Variants in HIPK1 observed in about 807,000 individuals in gnomAD.
The protein encoded by HIPK1 is homeodomain-interacting protein kinase 1.
Under a neutral mutation model 117.1 loss-of-function variants are expected in HIPK1, and 28 were observed. The ratio of observed to expected loss-of-function variants is 0.24; its 90% CI spans 0.18 to 0.33. HIPK1 has a LOEUF of 0.33. Ranked by LOEUF, HIPK1 falls within the 10% of genes least tolerant of loss-of-function variation. HIPK1 has a pLI of 1.00. For missense variants in HIPK1, 1,122 were observed against 1,475.1 expected (o/e 0.76, Z 3.92); for synonymous variants, 605 against 562.5 (o/e 1.08, Z -1.07).
Position 113,967,853 on chromosome 1 carries a change from G to A in HIPK1, c.2469G>A (p.Gln823=). Residue 823 remains glutamine (Q), a synonymous_variant, in exon 12 of 16, where the codon CAG becomes CAA. Coordinates refer to ENST00000426820, the MANE Select transcript of HIPK1 (RefSeq NM_198268.3). ...ACCATGTGACATTGGCCACTGCTCA[G>A]CCTCTGAATGTTGGTGTTGCCCATG... ...LTNHVTLATA[Q]PLNVGVAHVV... 6.2e-7 allele frequency: 1 copy of A among 1,612,756 alleles called. No individual in the cohort carries two copies. The highest frequency in any genetic ancestry group is 2.2e-5 in the East Asian group (1 of 44,774).
intron 1 of HIPK1, among the ~76,000 whole-genome samples, chr1:113,931,019 C>G (rs1162997451): frequency 6.6e-6 from 1 of 152,146 alleles, no homozygotes; most frequent in East Asian, 1.9e-4. Flanking sequence ...CCAATCTGTC[C>G]TTTATCTTGT....
At position 113,940,955 on chromosome 1, in the gene HIPK1, A is replaced by C; in HGVS notation, c.572A>C (p.Glu191Ala). The C allele has an allele frequency of 1.2e-6, 2 of 1,614,148 alleles. No individual in the cohort carries two copies. The highest frequency in any genetic ancestry group is 1.7e-6 in the Non-Finnish European group (2 of 1,180,018). The change falls in exon 2 of 16, where the codon GAA becomes GCA. Residue 191 changes from glutamate to alanine, a missense_variant. Physicochemically the swap from Glu to Ala is moderately radical, Grantham distance 107. This residue lies in a region of HIPK1 where 192 missense variants were observed against 234.0 expected (regional missense o/e 0.82). Transcript: ENST00000426820. ...CTTTGCTCTATGACCAATAGCTATG[A>C]AGTCTTGGAGTTCCTAGGCCGGGGG... ...EILCSMTNSYEVLEFLGRGTF... is the reference protein window; with the variant it reads ...EILCSMTNSYAVLEFLGRGTF...
At chr1:113,929,768 G>A (rs902846572) in intron 1 of HIPK1, 135 of 902,634 alleles carry the variant, frequency 1.5e-4, no homozygotes, top group Non-Finnish European at 1.8e-4. Context: ...GGAGGCTGAG[G>A]AGGCTCCCCC....
At chr1:113,934,491 G>C (rs552074852) in intron 1 of HIPK1, among the ~76,000 whole-genome samples, 1 of 152,240 alleles carries the variant, frequency 6.6e-6, no homozygotes, top group Non-Finnish European at 1.5e-5. Context: ...ATAAGTACAA[G>C]TACCAATGAT....
In HIPK1 at chr1:113,940,977, G is replaced by A. The variant is rs1558128277; in HGVS notation, c.594G>A (p.Arg198=). 2 of 1,613,996 alleles carry A rather than the reference G, an allele frequency of 1.2e-6. No individual in the cohort carries two copies. Among genetic ancestry groups the A allele is most frequent in the South Asian group, 1.1e-5 (1 of 91,084 alleles). ...NSYEVLEFLG[R]GTFGQVAKCW... The stretch of plus-strand genomic sequence containing the variant: ...ATGAAGTCTTGGAGTTCCTAGGCCG[G>A]GGGACATTTGGACAGGTGGCTAAGT... Residue 198 remains arginine (R), a synonymous_variant, in exon 2 of 16, where the codon CGG becomes CGA. Transcript: ENST00000426820.
intron 2 of HIPK1, among the ~76,000 whole-genome samples, chr1:113,945,278 A>G (rs532527103): frequency 1.3e-5 from 2 of 152,206 alleles, no homozygotes; most frequent in Admixed American, 1.3e-4. Context: ...ATTTTCATCT[A>G]TTCCTTGGGT....
chr1:113,963,978 C>CT (rs1028524562), intron 10 of HIPK1, among the ~76,000 whole-genome samples: 10 of 152,146 alleles, frequency 6.6e-5, no homozygotes, highest in African/African-American at 1.7e-4. Context: ...TAGCTTTCTC[C>CT]TTTTTTTGCT....
Position 113,973,688 on chromosome 1 carries a change from A to T in HIPK1, c.*176A>T. Reference sequence around the variant, plus strand: ...TCTGGGGGAACCTGTCTCAGTGTTGACTGCATTGTTGTAGTCTTCCCAAAG... The same window carrying T: ...TCTGGGGGAACCTGTCTCAGTGTTGTCTGCATTGTTGTAGTCTTCCCAAAG... On this transcript the variant is annotated 3_prime_UTR_variant, in exon 16 of 16. Coordinates refer to ENST00000426820, the MANE Select transcript of HIPK1 (RefSeq NM_198268.3). 1 of 622,168 alleles carries T rather than the reference A, an allele frequency of 1.6e-6. No individual in the cohort carries two copies. Among genetic ancestry groups the T allele is most frequent in the South Asian group, 2.8e-5 (1 of 35,520 alleles). The allele number at this position is 622,168 out of a possible 1,614,324, so 38.5% of individuals were successfully genotyped here. A position where few individuals can be genotyped will look rare whatever the true frequency, so the allele number is the denominator to read the frequency against.
At chr1:113,968,336 A>G in intron 12 of HIPK1, 106 bp from the exon 13 acceptor site, 1 of 814,632 alleles carries the variant, frequency 1.2e-6, no homozygotes, top group South Asian at 1.5e-5. Flanking sequence ...CTTAATGATT[A>G]TGTAAAAAGG....
Position 113,957,187 on chromosome 1 carries a change from G to C in HIPK1, c.1656G>C (p.Val552=). The change falls in exon 7 of 16, where the codon GTG becomes GTC. Residue 552 remains valine, a synonymous_variant. Transcript: ENST00000426820. ...GGAGGGTTCACATGTATGATACAGT[G>C]AGTCAGATCAAGAGTCCCTTCACTA... is the stretch of plus-strand genomic sequence containing the variant. The part of the protein sequence containing the change: ...CKRRVHMYDT[V]SQIKSPFTTH... 4 of 1,613,572 alleles carry C rather than the reference G, an allele frequency of 2.5e-6. No individual in the cohort carries two copies. The highest frequency in any genetic ancestry group is 3.4e-6 in the Non-Finnish European group (4 of 1,179,504).
chr1:113,964,175 AGG>A (rs1250825654), intron 10 of HIPK1, among the ~76,000 whole-genome samples: 2 of 152,170 alleles, frequency 1.3e-5, no homozygotes, highest in African/African-American at 2.4e-5. Flanking sequence ...ATCATATTGT[AGG>A]TCATATTGTT....
chr1:113,955,442 G>A (rs1671651449), intron 4 of HIPK1, 121 bp from the exon 5 acceptor site: 1 of 648,788 alleles, frequency 1.5e-6, no homozygotes, highest in South Asian at 2.0e-5. Flanking sequence ...TTACTTTCAT[G>A]TTTGCCATCT....
rs752552696 is a variant in HIPK1, at chr1:113,973,558, C to T, written c.*46C>T. 6.5e-7 allele frequency: 1 copy of T among 1,534,630 alleles called. No individual in the cohort carries two copies. Among genetic ancestry groups the T allele is most frequent in the Admixed American group, 2.0e-5 (1 of 50,134 alleles). On this transcript the variant is annotated 3_prime_UTR_variant, in exon 16 of 16. Transcript: ENST00000426820. ...GGAATCATGGCTACCTTCTCCTGGC[C>T]CTGCGTTCTTAATATTGGGCTATGG...
chr1:113,967,934 T>C lies in HIPK1; in HGVS notation c.2550T>C (p.Ala850=). 6.2e-7 allele frequency: 1 copy of C among 1,605,938 alleles called. No homozygotes were observed. The highest frequency in any genetic ancestry group is 8.5e-7 in the Non-Finnish European group (1 of 1,178,222). Residue 850 remains alanine (A), a synonymous_variant, in exon 12 of 16, where the codon GCT becomes GCC. Coordinates refer to ENST00000426820, the MANE Select transcript of HIPK1 (RefSeq NM_198268.3). ...SLPSKKNKQS[A]PVSSKSSLDV... is the part of the protein sequence containing the mutation. ...CTTCGAAGAAGAATAAGCAGTCAGC[T>C]CCAGTCTCTTCCAAGTGAGTCTGTG... is the stretch of plus-strand genomic sequence containing the variant.
At chr1:113,929,706 G>A in intron 1 of HIPK1, 174 bp downstream of exon 1, 1 of 810,390 alleles carries the variant, frequency 1.2e-6, no homozygotes, top group Non-Finnish European at 1.6e-6. Flanking sequence ...GAGCGCGCGG[G>A]GCTGAGGCGG....
chr1:113,943,745 G>A (rs938381652), intron 2 of HIPK1, among the ~76,000 whole-genome samples: 1 of 152,160 alleles, frequency 6.6e-6, no homozygotes, highest in Non-Finnish European at 1.5e-5. Flanking sequence ...ATTCCTACCA[G>A]CAGTGGATGT....
In HIPK1 at chr1:113,956,816, G is replaced by C; in HGVS notation, c.1592+5G>C. ...GGATTTTCCACATAGCAATCAGTGA[G>C]TATGGAATATTCTGGGGCTTTTGCC... On this transcript the variant is annotated splice_donor_5th_base_variant and intron_variant, in intron 6 of 15. Transcript: ENST00000426820. 6.2e-7 allele frequency: 1 copy of C among 1,613,030 alleles called. No individual in the cohort carries two copies. Among genetic ancestry groups the C allele is most frequent in the Non-Finnish European group, 8.5e-7 (1 of 1,179,202 alleles).
Position 113,970,032 on chromosome 1 carries a change from A to G in HIPK1, c.2848A>G (p.Ser950Gly). 6.2e-7 allele frequency: 1 copy of G among 1,614,150 alleles called. No homozygotes were observed. Residue 950 changes from serine to glycine, a missense_variant, in exon 14 of 16, where the codon AGC (serine) becomes GGC (glycine). Physicochemically the swap from Ser to Gly is moderately conservative, Grantham distance 56. Around this residue, in one of 6 missense-constraint regions of HIPK1, gnomAD observed 731 missense variants for 860.4 expected, o/e 0.85. Transcript: ENST00000426820. The part of the protein sequence containing the change: ...NDSPDSDSSL[S>G]SPYSTDTLSA... ...TTCTCCAGACTCTGACTCTTCTTTG[A>G]GCAGCCCTTATTCCACTGATACCCT...
intron 1 of HIPK1, among the ~76,000 whole-genome samples, chr1:113,934,497 A>G (rs1046037348): frequency 3.3e-5 from 5 of 152,204 alleles, no homozygotes; most frequent in African/African-American, 9.7e-5. Context: ...ACAAGTACCA[A>G]TGATCTTTTG....
Sources: gnomAD v4.1 joint callset for allele counts (sites outside exome capture counted in the v4.1 genomes callset) on GRCh38, gnomAD v4.1.1 for gene constraint, gnomAD v4.1.1 regional missense constraint, MANE v1.5 for transcripts, NCBI Gene and HGNC (gene_info 2026-07-23, HGNC 2026-07-21) for gene names.